SLC30A5: variants seen among roughly 807,000 people sequenced by gnomAD.
SLC30A5 encodes the protein solute carrier family 30 member 5, also known as proton-coupled zinc antiporter SLC30A5.
In SLC30A5, 33 loss-of-function variants were observed where a neutral mutation model predicts 79.6. The ratio of observed to expected loss-of-function variants is 0.41; its 90% CI spans 0.31 to 0.55. The LOEUF (loss-of-function observed/expected upper bound fraction) is 0.55. Ranked by LOEUF, SLC30A5 falls within the 20% of genes least tolerant of loss-of-function variation. The pLI is 0.20. For missense variants in SLC30A5, 788 were observed against 928.1 expected, an observed-to-expected ratio of 0.85 and a Z score of 1.96; for synonymous variants, 299 against 319.7, an observed-to-expected ratio of 0.94 and a Z score of 0.69.
At chr5:69,112,704 GT>G (rs1475078467) in intron 5 of SLC30A5, among the ~76,000 whole-genome samples, 15 of 152,016 alleles carry the variant, frequency 9.9e-5, no homozygotes, top group African/African-American at 3.6e-4. Flanking sequence ...GACTTTGCTG[GT>G]TTTACCGTGC....
rs1745653174 is a variant in SLC30A5 at position 69,094,303 on chromosome 5, C to A, written c.48C>A (p.Gly16=). The A allele has an allele frequency of 2.4e-6, 3 of 1,258,706 alleles. No homozygotes were observed. The highest frequency in any genetic ancestry group is 7.2e-5 in the South Asian group (2 of 27,676). The allele number at this position is 1,258,706 out of a possible 1,614,324, so 78.0% of individuals were successfully genotyped here. A position where few individuals can be genotyped will look rare whatever the true frequency, so the allele number is the denominator to read the frequency against. The change falls in exon 1 of 16, where the codon GGC becomes GGA. Residue 16 remains glycine (G), a synonymous_variant. Coordinates refer to ENST00000396591, the MANE Select transcript of SLC30A5 (RefSeq NM_022902.5). ...GGDVLAGPGG[G]GGLGPVDVPS... ...ACGTGCTGGCCGGCCCCGGCGGCGG[C>A]GGCGGCCTTGGGCCGGTGGACGTAC...
At chr5:69,099,015 T>C (rs190730497) in intron 1 of SLC30A5, among the ~76,000 whole-genome samples, 1 of 152,250 alleles carries the variant, frequency 6.6e-6, no homozygotes, top group Non-Finnish European at 1.5e-5. Flanking sequence ...AAAGTAAAAC[T>C]CTTGCAACCT....
intron 3 of SLC30A5, 194 bp from the exon 4 acceptor site, chr5:69,104,437 C>T (rs1475650336): frequency 8.8e-5 from 117 of 1,330,440 alleles, no homozygotes; most frequent in East Asian, 2.7e-4. Context: ...CCACAGCACC[C>T]GGCCCAGAAT....
chr5:69,104,254 C>G (rs1746018680), intron 3 of SLC30A5: 2 of 574,378 alleles, frequency 3.5e-6, no homozygotes. Context: ...TCTCCTGCCT[C>G]AGCCTCCTGA....
chr5:69,105,689 A>AT (rs1746063170), intron 4 of SLC30A5, among the ~76,000 whole-genome samples: 1 of 151,906 alleles, frequency 6.6e-6, no homozygotes, highest in Non-Finnish European at 1.5e-5. Context: ...AAGCAGAGAG[A>AT]TCCCCCACCC....
intron 14 of SLC30A5, among the ~76,000 whole-genome samples, chr5:69,126,931 C>T (rs894797624): frequency 2.0e-5 from 3 of 151,034 alleles, no homozygotes; most frequent in Non-Finnish European, 2.9e-5. Context: ...TTGTTTCCTT[C>T]CCATTCTACA....
intron 4 of SLC30A5, among the ~76,000 whole-genome samples, chr5:69,105,758 G>A (rs1219571880): frequency 1.3e-5 from 2 of 152,198 alleles, no homozygotes; most frequent in Non-Finnish European, 2.9e-5. Context: ...CAGAGCAGGA[G>A]GTGAGCCACG....
chr5:69,094,096 C>G lies in SLC30A5; in HGVS notation c.-160C>G. ...GTCCCGACGCGTGTGTGCTAGTGAG[C>G]CGGAGCCGGCGACGGCGGCAGTGGC... is the stretch of plus-strand genomic sequence containing the variant. On this transcript the variant is annotated 5_prime_UTR_variant, in exon 1 of 16. Coordinates refer to ENST00000396591, the MANE Select transcript of SLC30A5 (RefSeq NM_022902.5). 1 of 411,274 alleles carries G rather than the reference C, an allele frequency of 2.4e-6. No homozygotes were observed. Among genetic ancestry groups the G allele is most frequent in the Non-Finnish European group, 4.3e-6 (1 of 231,848 alleles). 25.5% of individuals were successfully genotyped at this position (411,274 alleles called of 1,614,324 possible).
At chr5:69,107,520 G>A (rs1016908478) in intron 4 of SLC30A5, among the ~76,000 whole-genome samples, 2 of 142,732 alleles carry the variant, frequency 1.4e-5, no homozygotes, top group African/African-American at 6.1e-5. Context: ...CAAGTCTTAT[G>A]TTCTGTATAT....
intron 1 of SLC30A5, among the ~76,000 whole-genome samples, chr5:69,098,695 G>T (rs1745816937): frequency 6.6e-6 from 1 of 152,204 alleles, no homozygotes; most frequent in African/African-American, 2.4e-5. Flanking sequence ...TTTATTAGTT[G>T]TGTGACCTTG....
In SLC30A5 at chr5:69,130,166, T is replaced by A. The variant is rs553140559; in HGVS notation, c.*549T>A. On this transcript the variant is annotated 3_prime_UTR_variant, in exon 16 of 16. Coordinates refer to ENST00000396591, the MANE Select transcript of SLC30A5 (RefSeq NM_022902.5). ...TTGGGAGAAACTTCAACCACTGATA[T>A]GAGATAAGCAATGAGAATAGGGAAG... is the stretch of plus-strand genomic sequence containing the variant. 1.3e-5 allele frequency: 2 copies of A among 152,292 alleles called. No individual in the cohort carries two copies. Among genetic ancestry groups the A allele is most frequent in the East Asian group, 3.9e-4 (2 of 5,186 alleles). The allele number at this position is 152,292 out of a possible 1,614,324, so 9.4% of individuals were successfully genotyped here.
At chr5:69,100,996 A>C in intron 2 of SLC30A5, 67 bp downstream of exon 2, 6 of 1,436,318 alleles carry the variant, frequency 4.2e-6, no homozygotes, top group Non-Finnish European at 5.6e-6. Flanking sequence ...TTAACAGAGT[A>C]TCTTTAAGAA....
At position 69,126,493 on chromosome 5, in the gene SLC30A5, C is replaced by T. The variant is rs112085975; in HGVS notation, c.1999-1511C>T. Among the ~76,000 whole-genome samples the T allele has an allele frequency of 5.8e-3, 881 of 151,814 alleles. 17 individuals are homozygous for T. Among genetic ancestry groups the T allele is most frequent in the African/African-American group, 0.02 (823 of 41,414 alleles). ...TATGTCTGTTGTAGGCCAGGCGTGG[C>T]GGCTCACACCTGTAATCCCAGAACT... On this transcript the variant is annotated intron_variant, in intron 14 of 15. Transcript: ENST00000396591.
chr5:69,106,250 A>G (rs1746076485), intron 4 of SLC30A5, among the ~76,000 whole-genome samples: 1 of 152,212 alleles, frequency 6.6e-6, no homozygotes, highest in African/African-American at 2.4e-5. Flanking sequence ...TGGAGGGCTG[A>G]GAAAGCTAGC....
At chr5:69,120,971 TTAAAG>T (rs1345248700) in intron 12 of SLC30A5, among the ~76,000 whole-genome samples, 1 of 152,152 alleles carries the variant, frequency 6.6e-6, no homozygotes, top group Non-Finnish European at 1.5e-5. Flanking sequence ...CACCATTAAA[TTAAAG>T]TAATTTCATT....
In SLC30A5 at chr5:69,113,153, CT is replaced by C; in HGVS notation, c.467del (p.Phe156SerfsTer5). 6.2e-7 allele frequency: 1 copy of C among 1,612,054 alleles called. No individual in the cohort carries two copies. Reference sequence around the variant, plus strand: ...CTTTATTTTCAGACAAGGGGAGCTGCTTTTTTCATTATTGCTGTGATCTGTT... The same window carrying C: ...CTTTATTTTCAGACAAGGGGAGCTGCTTTTTCATTATTGCTGTGATCTGTT... ...GGGPAKTRGAAFFIIAVICLL... is the reference protein window; with the variant it reads ...GGGPAKTRGAXFFIIAVICLL... On this transcript the variant is annotated frameshift_variant, in exon 6 of 16. Transcript: ENST00000396591. LOFTEE classifies it high-confidence loss of function.
In SLC30A5 at chr5:69,104,617, G is replaced by A; in HGVS notation, c.274-14G>A. On this transcript the variant is annotated splice_polypyrimidine_tract_variant and intron_variant, in intron 3 of 15. Transcript: ENST00000396591. ...TGTGACTGAAATTTTTAATTTTTTT[G>A]TTTCCATTTATAGTGGATCAAAATA... is the stretch of plus-strand genomic sequence containing the variant. 1 of 1,504,200 alleles carries A rather than the reference G, an allele frequency of 6.6e-7. No homozygotes were observed. Among genetic ancestry groups the A allele is most frequent in the Admixed American group, 2.4e-5 (1 of 40,834 alleles). 93.2% of individuals were successfully genotyped at this position (1,504,200 alleles called of 1,614,324 possible). A position where few individuals can be genotyped will look rare whatever the true frequency, so the allele number is the denominator to read the frequency against.
chr5:69,094,149 T>C lies in SLC30A5; in HGVS notation c.-107T>C. 1.8e-6 allele frequency: 1 copy of C among 549,642 alleles called. No homozygotes were observed. The highest frequency in any genetic ancestry group is 9.3e-5 in the South Asian group (1 of 10,718). The allele number at this position is 549,642 out of a possible 1,614,324, so 34.0% of individuals were successfully genotyped here. On this transcript the variant is annotated 5_prime_UTR_variant, in exon 1 of 16. Transcript: ENST00000396591. ...CCCGGCCTGCAGGAGCCCGACGGGG[T>C]CTCTGCCATGGGGGAGTGACGCGCC...
chr5:69,107,463 G>A (rs568737921), intron 4 of SLC30A5, among the ~76,000 whole-genome samples: 1 of 152,064 alleles, frequency 6.6e-6, no homozygotes. Context: ...ATAATTTATA[G>A]TATAGTAAAT....
Sources: allele counts gnomAD v4.1 joint callset (sites outside exome capture counted in the v4.1 genomes callset), GRCh38; gene constraint gnomAD v4.1.1; transcripts MANE v1.5; gene names NCBI Gene and HGNC (gene_info 2026-07-23, HGNC 2026-07-21).